Variants in SRFBP1 observed in about 807,000 individuals in gnomAD.
The protein encoded by SRFBP1 is serum response factor-binding protein 1.
SRFBP1 carries 47 observed loss-of-function variants against 45.5 expected under a neutral mutation model. That is an observed-to-expected ratio of 1.03 (90% CI 0.82 to 1.32). The LOEUF (loss-of-function observed/expected upper bound fraction) is 1.32. Ranked by LOEUF, SRFBP1 falls within the 40% of genes most tolerant of loss-of-function variation. SRFBP1 has a pLI of 0.00. For synonymous variants in SRFBP1, 203 were observed against 166.3 expected (o/e 1.22, Z -1.70); for missense variants, 621 against 484.6 (o/e 1.28, Z -2.64).
chr5:121,987,722 T>C (rs977493162), intron 3 of SRFBP1, among the ~76,000 whole-genome samples: 3 of 152,182 alleles, frequency 2.0e-5, no homozygotes, highest in African/African-American at 7.2e-5. Context: ...ACAAACATGT[T>C]TTATATTTTA....
In SRFBP1 at chr5:122,027,165, A is replaced by AG; in HGVS notation, c.*39_*40insG. The stretch of plus-strand genomic sequence containing the variant: ...CTGCAAACTTTTCCATCTAAAAAAA[A>AG]AAATGTTTTTTTTAAGACAGGATCT... On this transcript the variant is annotated 3_prime_UTR_variant, in exon 8 of 8. Transcript: ENST00000339397. The AG allele has an allele frequency of 6.4e-7, 1 of 1,555,020 alleles. No homozygotes were observed.
At chr5:122,077,933 A>G, downstream of SRFBP1, 1 of 1,500,468 alleles carries the variant, frequency 6.7e-7, no homozygotes, top group Non-Finnish European at 8.8e-7. This position sits in a 1 kb window ranked among gnomAD's most constrained non-coding sequence, Gnocchi z 4.9. Context: ...GCAGTGCACT[A>G]GCGCGCAGAG....
intron 4 of SRFBP1, among the ~76,000 whole-genome samples, chr5:122,004,518 T>C (rs973581765): frequency 2.0e-5 from 3 of 152,132 alleles, no homozygotes; most frequent in African/African-American, 7.2e-5. Context: ...AGTTGTAATA[T>C]TTCCTCTTTC....
chr5:122,039,651 G>T (rs983700587), intron 2 of SRFBP1, among the ~76,000 whole-genome samples: 5 of 152,138 alleles, frequency 3.3e-5, no homozygotes, highest in Admixed American at 2.6e-4. Context: ...GATAGAGTTT[G>T]AAGATGGTGA....
chr5:122,010,217 T>C (rs1036688656), intron 4 of SRFBP1, among the ~76,000 whole-genome samples: 2 of 152,322 alleles, frequency 1.3e-5, no homozygotes, highest in Non-Finnish European at 2.9e-5. Context: ...GGTTCATTTT[T>C]TGGCCTCTGC....
At position 121,975,453 on chromosome 5, in the gene SRFBP1, T is replaced by C. The variant is rs909058431; in HGVS notation, c.198+66T>C. 2.0e-5 allele frequency: 31 copies of C among 1,565,796 alleles called. No individual in the cohort carries two copies. In the Admixed American group the frequency reaches 5.0e-4, roughly 25 times the overall value. On this transcript the variant is annotated intron_variant, in intron 3 of 7. Coordinates refer to ENST00000339397, the MANE Select transcript of SRFBP1 (RefSeq NM_152546.3). The stretch of plus-strand genomic sequence containing the variant: ...GTATCCTGTTATCCTGCATTTTGTT[T>C]GTGTGTGGTATTGCTTATTTGAATA...
intron 4 of SRFBP1, among the ~76,000 whole-genome samples, chr5:121,999,768 GGTTA>G (rs1205183450): frequency 6.6e-6 from 1 of 151,612 alleles, no homozygotes; most frequent in Non-Finnish European, 1.5e-5. Flanking sequence ...GCTTTCTTTT[GGTTA>G]GTGTTTACAT....
Position 122,027,056 on chromosome 5 carries a change from G to A in SRFBP1, c.1220G>A (p.Ser407Asn), listed in dbSNP as rs751000836. The A allele has an allele frequency of 2.5e-6, 4 of 1,612,352 alleles. No homozygotes were observed. Among genetic ancestry groups the A allele is most frequent in the South Asian group, 1.1e-5 (1 of 90,944 alleles). Reference sequence around the variant, plus strand: ...CCTCTTCATCCTTCATGGGAAGCAAGCAGAAGGCGAAAAGAACAGCAATCT... The same window carrying A: ...CCTCTTCATCCTTCATGGGAAGCAAACAGAAGGCGAAAAGAACAGCAATCT... ...QLPLHPSWEASRRRKEQQSNI... is the reference protein window; with the variant it reads ...QLPLHPSWEANRRRKEQQSNI... Residue 407 changes from serine to asparagine, a missense_variant, in exon 8 of 8, where the codon AGC becomes AAC. By Grantham distance (46) the Ser-to-Asn change is conservative. Coordinates refer to ENST00000339397, the MANE Select transcript of SRFBP1 (RefSeq NM_152546.3).
At chr5:121,994,486 C>T in intron 3 of SRFBP1, 113 bp from the exon 4 acceptor site, 4 of 683,662 alleles carry the variant, frequency 5.9e-6, no homozygotes, top group East Asian at 3.0e-5. Flanking sequence ...TAATTCTTTT[C>T]TCAAAATTAA....
At chr5:121,966,313 TC>T (rs1408535031) in intron 1 of SRFBP1, among the ~76,000 whole-genome samples, 3 of 152,234 alleles carry the variant, frequency 2.0e-5, no homozygotes, top group Non-Finnish European at 1.5e-5. Context: ...AAATAAACCA[TC>T]ACTTTTTACT....
chr5:122,069,712 C>G (rs897621821), intron 2 of SRFBP1, among the ~76,000 whole-genome samples: 1 of 152,000 alleles, frequency 6.6e-6, no homozygotes, highest in South Asian at 2.1e-4. Context: ...GAGGAAGGGG[C>G]CAAGAAGCAA....
chr5:122,058,047 T>C (rs1433629719), intron 2 of SRFBP1, among the ~76,000 whole-genome samples: 2 of 152,156 alleles, frequency 1.3e-5, no homozygotes, highest in Non-Finnish European at 2.9e-5. Context: ...TTATTTAAGG[T>C]TCTTGATATA....
chr5:122,054,381 C>T (rs913332731), intron 2 of SRFBP1, among the ~76,000 whole-genome samples: 2 of 152,208 alleles, frequency 1.3e-5, no homozygotes, highest in African/African-American at 4.8e-5. Flanking sequence ...TGCCCAGCTT[C>T]GCTCTTCTCT....
At position 121,985,658 on chromosome 5, in the gene SRFBP1, A is replaced by C. The variant is rs530192856; in HGVS notation, c.199-8941A>C. Among the ~76,000 whole-genome samples the C allele has an allele frequency of 1.8e-3, 279 of 152,076 alleles. 2 individuals are homozygous for C. The highest frequency in any genetic ancestry group is 3.3e-3 in the Non-Finnish European group (223 of 67,866). Reference sequence around the variant, plus strand: ...TGAGATATTTAGTGTAACAATTTATAATACCTAACAAGTAAAAATAACTTC... The same window carrying C: ...TGAGATATTTAGTGTAACAATTTATCATACCTAACAAGTAAAAATAACTTC... On this transcript the variant is annotated intron_variant, in intron 3 of 7. Coordinates refer to ENST00000339397, the MANE Select transcript of SRFBP1 (RefSeq NM_152546.3).
chr5:122,041,394 G>A (rs1335223616), intron 2 of SRFBP1, among the ~76,000 whole-genome samples: 2 of 152,000 alleles, frequency 1.3e-5, no homozygotes, highest in African/African-American at 4.8e-5. Flanking sequence ...TTATTTCTGT[G>A]ATATGCTTTT....
chr5:121,965,291 T>C (rs1234542934), intron 1 of SRFBP1, among the ~76,000 whole-genome samples: 1 of 152,220 alleles, frequency 6.6e-6, no homozygotes, highest in Non-Finnish European at 1.5e-5. Flanking sequence ...TGGTATTGCC[T>C]AGGTTTTCTT....
chr5:121,984,899 C>G (rs1397661108), intron 3 of SRFBP1, among the ~76,000 whole-genome samples: 1 of 151,766 alleles, frequency 6.6e-6, no homozygotes, highest in Non-Finnish European at 1.5e-5. Flanking sequence ...TCAGTTAGCA[C>G]TGTAGGATTC....
chr5:121,965,004 T>G (rs1752033544), intron 1 of SRFBP1, among the ~76,000 whole-genome samples: 1 of 152,216 alleles, frequency 6.6e-6, no homozygotes, highest in Non-Finnish European at 1.5e-5. Context: ...TTGAGAAGTG[T>G]CTGTTCATGT....
In SRFBP1 at chr5:121,962,005, A is replaced by C. The variant is rs979548028; in HGVS notation, c.-28A>C. The C allele has an allele frequency of 3.1e-6, 5 of 1,613,382 alleles. No individual in the cohort carries two copies. The highest frequency in any genetic ancestry group is 1.7e-6 in the Non-Finnish European group (2 of 1,179,850). ...CTGAGAGACCGGTTCACGTGCAGGC[A>C]GCGGCGGATCATATTCCTTCATCTA... is the stretch of plus-strand genomic sequence containing the variant. On this transcript the variant is annotated 5_prime_UTR_variant, in exon 1 of 8. Transcript: ENST00000339397.
Sources: gnomAD v4.1 joint callset for allele counts (sites outside exome capture counted in the v4.1 genomes callset) on GRCh38, gnomAD v4.1.1 for gene constraint, Gnocchi (gnomAD v3.1) non-coding constraint, MANE v1.5 for transcripts, NCBI Gene and HGNC (gene_info 2026-07-23, HGNC 2026-07-21) for gene names.